Variants in ERICH3 observed in about 807,000 individuals in gnomAD.
ERICH3 encodes the protein glutamate rich 3, also known as glutamate-rich protein 3.
Under a neutral mutation model 131.1 loss-of-function variants are expected in ERICH3, and 126 were observed. The observed-to-expected ratio is 0.96, with a 90% CI of 0.83 to 1.11. The LOEUF (loss-of-function observed/expected upper bound fraction) is 1.11. Ranked by LOEUF, ERICH3 falls within the 50% of genes most tolerant of loss-of-function variation. ERICH3 has a pLI of 0.00. For synonymous variants in ERICH3, 695 were observed against 644.6 expected (o/e 1.08, Z -1.18); for missense variants, 2,050 against 1,810.7 (o/e 1.13, Z -2.40).
intron 1 of ERICH3, among the ~76,000 whole-genome samples, chr1:74,655,722 AG>A (rs1646577762): frequency 6.6e-6 from 1 of 152,176 alleles, no homozygotes; most frequent in Non-Finnish European, 1.5e-5. Flanking sequence ...GACATCTTTG[AG>A]GGCCATTCTT....
At chr1:74,657,743 G>A (rs916962355) in intron 1 of ERICH3, among the ~76,000 whole-genome samples, 1 of 152,154 alleles carries the variant, frequency 6.6e-6, no homozygotes, top group Non-Finnish European at 1.5e-5. Flanking sequence ...TGGGGAAGAA[G>A]TGAATGGGAG....
chr1:74,627,447 A>C (rs1358505400), intron 7 of ERICH3, among the ~76,000 whole-genome samples: 3 of 152,148 alleles, frequency 2.0e-5, no homozygotes, highest in African/African-American at 7.2e-5. Context: ...AGTTAAAAAA[A>C]AACTAAGATG....
chr1:74,659,022 C>T (rs538439454), intron 1 of ERICH3, among the ~76,000 whole-genome samples: 1 of 152,240 alleles, frequency 6.6e-6, no homozygotes, highest in Admixed American at 6.5e-5. Context: ...TTTGCCTGTG[C>T]TCTGAAAGGA....
intron 1 of ERICH3, among the ~76,000 whole-genome samples, chr1:74,655,931 A>G (rs1646579653): frequency 2.6e-5 from 4 of 152,194 alleles, no homozygotes. Context: ...TCAAGATGCC[A>G]TCATCTGGTG....
Position 74,573,110 on chromosome 1 carries a change from G to A in ERICH3, c.2600C>T (p.Ala867Val). 6.2e-7 allele frequency: 1 copy of A among 1,614,032 alleles called. No homozygotes were observed. The highest frequency in any genetic ancestry group is 8.5e-7 in the Non-Finnish European group (1 of 1,179,938). Residue 867 changes from alanine to valine, a missense_variant, in exon 14 of 15, where the codon GCT becomes GTT. Transcript: ENST00000326665. ...AGCCTCATCTTTACTCAGACCCACAGCATCTTTTGCTGCTGCTTGTCCTAT... is the reference window on the plus strand; with the variant it reads ...AGCCTCATCTTTACTCAGACCCACAACATCTTTTGCTGCTGCTTGTCCTAT... ...DPIGQAAAKD[A>V]VGLSKDEAPE...
In ERICH3 at chr1:74,571,132, G is replaced by C; in HGVS notation, c.4578C>G (p.Asn1526Lys). Residue 1526 changes from asparagine (N) to lysine (K), a missense_variant, in exon 14 of 15, where the codon AAC (asparagine) becomes AAG (lysine). Coordinates refer to ENST00000326665, the MANE Select transcript of ERICH3 (RefSeq NM_001002912.5). ...GESETADVSP[N>K]NVQV is the part of the protein sequence containing the mutation. ...AGCAAGTCTCCTAGACCTGCACGTT[G>C]TTGGGGGAAACATCTGCAGTCTCGC... 1 of 1,613,506 alleles carries C rather than the reference G, an allele frequency of 6.2e-7. No homozygotes were observed. The highest frequency in any genetic ancestry group is 1.1e-5 in the South Asian group (1 of 91,054).
intron 9 of ERICH3, among the ~76,000 whole-genome samples, 173 bp from the exon 10 acceptor site, chr1:74,607,075 C>G (rs147871093): frequency 6.6e-6 from 1 of 152,080 alleles, no homozygotes; most frequent in African/African-American, 2.4e-5. Flanking sequence ...TAAAAATAAA[C>G]TATTCTTTTT....
chr1:74,621,014 G>T, intron 7 of ERICH3, 100 bp from the exon 8 acceptor site: 1 of 964,308 alleles, frequency 1.0e-6, no homozygotes. Flanking sequence ...TTATTTTTAA[G>T]TACCTACCAA....
rs372180092 is a variant in ERICH3 at position 74,673,684 on chromosome 1, C to G, written c.-165G>C. On this transcript the variant is annotated 5_prime_UTR_variant, in exon 1 of 15. Coordinates refer to ENST00000326665, the MANE Select transcript of ERICH3 (RefSeq NM_001002912.5). ...CCGCCGCCGCCCCTGGGCGCCCGGG[C>G]TACCCGCAGCCTCCCGGGCTCCCAC... is the stretch of plus-strand genomic sequence containing the variant. The G allele has an allele frequency of 9.7e-5, 53 of 545,246 alleles. No homozygotes were observed. In the African/African-American group the frequency reaches 9.8e-4, roughly 10 times the overall value. The allele number at this position is 545,246 out of a possible 1,614,324, so 33.8% of individuals were successfully genotyped here. A position where few individuals can be genotyped will look rare whatever the true frequency, so the allele number is the denominator to read the frequency against.
chr1:74,665,221 A>AC (rs1330825151), intron 1 of ERICH3, among the ~76,000 whole-genome samples: 3 of 151,852 alleles, frequency 2.0e-5, no homozygotes, highest in Admixed American at 1.3e-4. Flanking sequence ...TCAAAAAAAA[A>AC]AACAGCCATC....
Position 74,571,942 on chromosome 1 carries a change from C to G in ERICH3, c.3768G>C (p.Gly1256=), listed in dbSNP as rs1202444501. Residue 1256 remains glycine (G), a synonymous_variant, in exon 14 of 15, where the codon GGG becomes GGC. Transcript: ENST00000326665. The part of the protein sequence containing the change: ...KDHDSCAGLE[G]RAEGQGGVDV... The stretch of plus-strand genomic sequence containing the variant: ...CCACTCCTCCTTGCCCTTCAGCTCT[C>G]CCCTCCAGTCCTGCGCAGGAGTCGT... The G allele has an allele frequency of 6.2e-7, 1 of 1,613,500 alleles. No individual in the cohort carries two copies.
intron 1 of ERICH3, among the ~76,000 whole-genome samples, chr1:74,673,272 G>A (rs1417823947): frequency 6.6e-6 from 1 of 152,092 alleles, no homozygotes; most frequent in Non-Finnish European, 1.5e-5. Context: ...AATTTCAAAA[G>A]GGGCGAACGT....
chr1:74,636,661 G>A (rs1458235864), intron 5 of ERICH3, among the ~76,000 whole-genome samples: 2 of 152,084 alleles, frequency 1.3e-5, no homozygotes, highest in Admixed American at 6.6e-5. Context: ...CACAATTATA[G>A]AGTATTCTAG....
chr1:74,585,112 A>T (rs968641945), intron 12 of ERICH3, among the ~76,000 whole-genome samples: 2 of 152,224 alleles, frequency 1.3e-5, no homozygotes, highest in African/African-American at 4.8e-5. Context: ...TATTTCATTT[A>T]TATTTATGAT....
At chr1:74,582,945 G>C (rs538623201) in intron 12 of ERICH3, among the ~76,000 whole-genome samples, 10 of 152,084 alleles carry the variant, frequency 6.6e-5, no homozygotes, top group African/African-American at 2.4e-4. Flanking sequence ...TTGTAATTCT[G>C]TGCTTATTTT....
At chr1:74,665,025 C>A (rs1256151706) in intron 1 of ERICH3, among the ~76,000 whole-genome samples, 1 of 152,106 alleles carries the variant, frequency 6.6e-6, no homozygotes, top group Non-Finnish European at 1.5e-5. Flanking sequence ...GAAATCTTAA[C>A]CCACAATGTT....
intron 13 of ERICH3, 42 bp from the exon 14 acceptor site, chr1:74,573,533 G>A: frequency 6.8e-7 from 1 of 1,476,684 alleles, no homozygotes; most frequent in Non-Finnish European, 8.9e-7. Flanking sequence ...TTTAATCCAA[G>A]CGAACAAGGG....
At chr1:74,669,660 T>G (rs1467429525) in intron 1 of ERICH3, among the ~76,000 whole-genome samples, 1 of 152,038 alleles carries the variant, frequency 6.6e-6, no homozygotes, top group Non-Finnish European at 1.5e-5. Flanking sequence ...GAAATTATGA[T>G]GCAGCTCAGA....
chr1:74,575,971 T>C (rs980573441), intron 13 of ERICH3, among the ~76,000 whole-genome samples: 1 of 152,160 alleles, frequency 6.6e-6, no homozygotes, highest in African/African-American at 2.4e-5. Flanking sequence ...ATATTTAATA[T>C]AAGAGAGCAA....
Sources: gnomAD v4.1 joint callset for allele counts (sites outside exome capture counted in the v4.1 genomes callset) on GRCh38, gnomAD v4.1.1 for gene constraint, MANE v1.5 for transcripts, NCBI Gene and HGNC (gene_info 2026-07-23, HGNC 2026-07-21) for gene names.